The following AIG1 variants were observed in gnomAD, a reference collection of about 807,000 sequenced individuals.
AIG1 encodes the protein androgen-induced gene 1 protein.
AIG1 carries 23 observed loss-of-function variants against 31.4 expected under a neutral mutation model. The observed-to-expected ratio is 0.73, with a 90% confidence interval of 0.53 to 1.04. The LOEUF (loss-of-function observed/expected upper bound fraction) is 1.04, where lower values mean the gene tolerates loss of function less well. AIG1 is among the 50% of genes least tolerant of loss of function. The probability of loss-of-function intolerance (pLI) is 0.00; values close to 1 mark genes in which losing one functional copy is unlikely to be tolerated. For synonymous variants in AIG1, 100 were observed against 110.5 expected (o/e 0.90, Z 0.60); for missense variants, 274 against 295.0 (o/e 0.93, Z 0.52).
Position 143,297,911 on chromosome 6 carries a change from G to A in AIG1, c.515+13686G>A, listed in dbSNP as rs1182822275. ...TATCCTTGGGCTGTGATATTCTCAC[G>A]CAACAGTAGAAAAACAAGATGTGTA... On this transcript the variant is annotated intron_variant, in intron 4 of 5. Coordinates refer to ENST00000357847, the MANE Select transcript of AIG1 (RefSeq NM_016108.4). The surrounding 1 kb of genome is among the most constrained non-coding windows in gnomAD (Gnocchi z 5.1). 6.6e-6 allele frequency among the ~76,000 whole-genome samples: 1 copy of A among 151,466 alleles called. No individual in the cohort carries two copies. The highest frequency in any genetic ancestry group is 1.9e-4 in the East Asian group (1 of 5,190).
chr6:143,316,638 A>C (rs1166135801), intron 4 of AIG1, among the ~76,000 whole-genome samples: 1 of 152,168 alleles, frequency 6.6e-6, no homozygotes, highest in Non-Finnish European at 1.5e-5. Flanking sequence ...ACAAGAAAAG[A>C]AGTAACCAAG....
intron 3 of AIG1, among the ~76,000 whole-genome samples, chr6:143,247,206 A>G (rs1217267592): frequency 6.6e-6 from 1 of 152,134 alleles, no homozygotes; most frequent in Non-Finnish European, 1.5e-5. Flanking sequence ...ATCTTGGCTC[A>G]CCACAACCTC....
chr6:143,111,364 T>C (rs1236753074), intron 1 of AIG1, among the ~76,000 whole-genome samples: 1 of 152,250 alleles, frequency 6.6e-6, no homozygotes, highest in Admixed American at 6.5e-5. Context: ...TTTGAGATTA[T>C]TGAACTATTC....
intron 3 of AIG1, among the ~76,000 whole-genome samples, chr6:143,221,809 G>A (rs1344244902): frequency 6.6e-6 from 1 of 152,132 alleles, no homozygotes; most frequent in African/African-American, 2.4e-5. Context: ...TAACACTCAA[G>A]AAATCCTAGC....
chr6:143,336,288 A>T (rs1233889718), intron 5 of AIG1, among the ~76,000 whole-genome samples: 3 of 152,214 alleles, frequency 2.0e-5, no homozygotes, highest in Admixed American at 6.5e-5. Flanking sequence ...TACAACTTCA[A>T]GATAAAAATC....
chr6:143,277,358 A>T (rs1797010826), intron 3 of AIG1, among the ~76,000 whole-genome samples: 1 of 152,076 alleles, frequency 6.6e-6, no homozygotes, highest in African/African-American at 2.4e-5. Context: ...CCTCCTAGGA[A>T]CCCTTCCGTA....
At chr6:143,169,116 T>C (rs1787250215) in intron 3 of AIG1, among the ~76,000 whole-genome samples, 1 of 151,980 alleles carries the variant, frequency 6.6e-6, no homozygotes, top group Non-Finnish European at 1.5e-5. Flanking sequence ...TAAAACTACA[T>C]GTGACAATGT....
chr6:143,061,108 CTG>C (rs746294814), intron 1 of AIG1, 42 bp downstream of exon 1: 112 of 1,583,216 alleles, frequency 7.1e-5, no homozygotes, highest in African/African-American at 1.8e-4. Flanking sequence ...CACCCCGTGC[CTG>C]TGTGTGCGTG....
intron 1 of AIG1, among the ~76,000 whole-genome samples, chr6:143,133,626 A>G (rs1465996273): frequency 6.6e-6 from 1 of 152,066 alleles, no homozygotes; most frequent in Non-Finnish European, 1.5e-5. Flanking sequence ...TATCTGACTG[A>G]TTGCTGAGTA....
chr6:143,162,970 G>A (rs916144896), intron 2 of AIG1, among the ~76,000 whole-genome samples: 2 of 152,162 alleles, frequency 1.3e-5, no homozygotes, highest in Non-Finnish European at 2.9e-5. Context: ...GAGGCTCAAG[G>A]TGGCTGAAGT....
rs574672085 is a variant in AIG1, at chr6:143,196,844, GA to G, written c.399+31670del. Among the ~76,000 whole-genome samples, 68 of 150,562 alleles carry G rather than the reference GA, an allele frequency of 4.5e-4. No individual in the cohort carries two copies. In the East Asian group the frequency reaches 7.6e-3, roughly 17 times the overall value. On this transcript the variant is annotated intron_variant, in intron 3 of 5. Transcript: ENST00000357847. Reference sequence around the variant, plus strand: ...CTGATCTTACTGGCAATAAAAAAAAGAAAAAAAAACTCTTCAGGAGCATAAA... The same window carrying G: ...CTGATCTTACTGGCAATAAAAAAAAGAAAAAAAACTCTTCAGGAGCATAAA...
chr6:143,278,611 G>A (rs1797123254), intron 3 of AIG1, among the ~76,000 whole-genome samples: 2 of 151,944 alleles, frequency 1.3e-5, no homozygotes, highest in African/African-American at 4.8e-5. Flanking sequence ...TAGGATTACA[G>A]GCGCCTGCCA....
rs1228654807 is a variant in AIG1, at chr6:143,338,100, C to T, written c.680-1539C>T. 2.5e-5 allele frequency: 10 copies of T among 398,472 alleles called. No individual in the cohort carries two copies. Among genetic ancestry groups the T allele is most frequent in the Admixed American group, 4.4e-5 (1 of 22,714 alleles). The allele number at this position is 398,472 out of a possible 1,614,324, so 24.7% of individuals were successfully genotyped here. On this transcript the variant is annotated intron_variant, in intron 5 of 5. Transcript: ENST00000357847. The surrounding 1 kb of genome is among the most constrained non-coding windows in gnomAD (Gnocchi z 4.3). ...CCAAGTCAACCCATCTGCAGGAGAA[C>T]GCTTTGGAAAAAACAGACTTTAAAA...
chr6:143,244,440 T>C (rs1794468997), intron 3 of AIG1, among the ~76,000 whole-genome samples: 1 of 152,160 alleles, frequency 6.6e-6, no homozygotes, highest in Non-Finnish European at 1.5e-5. Flanking sequence ...AATCCCAGTC[T>C]AAGGTATGTA....
At chr6:143,156,251 T>C (rs1434098989) in intron 2 of AIG1, among the ~76,000 whole-genome samples, 2 of 152,234 alleles carry the variant, frequency 1.3e-5, no homozygotes, top group Non-Finnish European at 2.9e-5. Context: ...TTGGAAAGAA[T>C]GCATGTATCC....
chr6:143,336,975 G>A (rs980103645), intron 5 of AIG1, among the ~76,000 whole-genome samples: 7 of 152,178 alleles, frequency 4.6e-5, no homozygotes, highest in African/African-American at 7.2e-5. Context: ...GCTAGCGGGG[G>A]AAATTCCATT....
chr6:143,332,979 G>C (rs1777201877), intron 4 of AIG1, among the ~76,000 whole-genome samples: 1 of 152,118 alleles, frequency 6.6e-6, no homozygotes, highest in African/African-American at 2.4e-5. Context: ...ATTTAGTACT[G>C]TCATATCAAT....
chr6:143,184,456 C>T (rs1789038004), intron 3 of AIG1, among the ~76,000 whole-genome samples: 1 of 152,232 alleles, frequency 6.6e-6, no homozygotes, highest in East Asian at 1.9e-4. Flanking sequence ...ACCAAACTGA[C>T]TGCTTAAGCT....
intron 3 of AIG1, among the ~76,000 whole-genome samples, chr6:143,263,749 T>C (rs187486799): frequency 2.6e-5 from 4 of 152,352 alleles, no homozygotes; most frequent in African/African-American, 4.8e-5. Flanking sequence ...TAGATGTTTT[T>C]AATGGTTGTA....
Sources: allele counts gnomAD v4.1 joint callset (sites outside exome capture counted in the v4.1 genomes callset), GRCh38; gene constraint gnomAD v4.1.1; non-coding constraint Gnocchi (gnomAD v3.1); transcripts MANE v1.5; gene names NCBI Gene and HGNC (gene_info 2026-07-23, HGNC 2026-07-21).